Variants in SLX4 observed in about 807,000 individuals in gnomAD.
SLX4 encodes SLX4 structure-specific endonuclease subunit.
A neutral mutation model predicts 146.2 loss-of-function variants in SLX4; 112 were observed. That is an observed-to-expected ratio of 0.77 (90% CI 0.66 to 0.90). The LOEUF is 0.90. Ranked by LOEUF, SLX4 falls within the 40% of genes least tolerant of loss-of-function variation. The pLI is 0.00. For synonymous variants in SLX4, 1,061 were observed against 997.7 expected, an observed-to-expected ratio of 1.06 and a Z score of -1.20; for missense variants, 2,563 against 2,392.7, an observed-to-expected ratio of 1.07 and a Z score of -1.49.
chr16:3,594,647 G>A (rs770620011), intron 9 of SLX4, 48 bp from the exon 10 acceptor site: 13 of 1,612,652 alleles, frequency 8.1e-6, no homozygotes, highest in Non-Finnish European at 1.0e-5. Context: ...CCTCTGCTCT[G>A]CTAACTGGGC....
rs150946273 is a variant in SLX4, at chr16:3,588,791, A to G, written c.4636+211T>C. On this transcript the variant is annotated intron_variant, in intron 12 of 14. Coordinates refer to ENST00000294008, the MANE Select transcript of SLX4 (RefSeq NM_032444.4). ...CACTGGAGCCAGGCAAGTTTGGGAA[A>G]CACTGACTTACTGGCTGAGAAGTGT... 3.6e-3 allele frequency among the ~76,000 whole-genome samples: 548 copies of G among 152,218 alleles called. 4 individuals are homozygous for G. Among genetic ancestry groups the G allele is most frequent in the African/African-American group, 0.012 (516 of 41,522 alleles).
chr16:3,586,512 C>A (rs1451946428), intron 12 of SLX4, among the ~76,000 whole-genome samples: 1 of 151,970 alleles, frequency 6.6e-6, no homozygotes. Context: ...CAGAGCAAGA[C>A]CCCTGACTCA....
chr16:3,585,115 G>A (rs2040493088), intron 12 of SLX4, among the ~76,000 whole-genome samples: 1 of 152,084 alleles, frequency 6.6e-6, no homozygotes, highest in African/African-American at 2.4e-5. Flanking sequence ...CAGAGCTCCT[G>A]GGGCCACTGA....
rs1458014762 is a variant in SLX4, at chr16:3,597,082, A to G, written c.1683+297T>C. 6.6e-6 allele frequency among the ~76,000 whole-genome samples: 1 copy of G among 151,822 alleles called. No homozygotes were observed. Among genetic ancestry groups the G allele is most frequent in the African/African-American group, 2.4e-5 (1 of 41,300 alleles). On this transcript the variant is annotated intron_variant, in intron 7 of 14. Coordinates refer to ENST00000294008, the MANE Select transcript of SLX4 (RefSeq NM_032444.4). This position sits in a 1 kb window ranked among gnomAD's most constrained non-coding sequence, Gnocchi z 4.4. ...GTGATCCGCCCACCTCAGCCTCCCAAAGTGCAGGGATTACGGGCGTGAGCC... is the reference window on the plus strand; with the variant it reads ...GTGATCCGCCCACCTCAGCCTCCCAGAGTGCAGGGATTACGGGCGTGAGCC...
intron 11 of SLX4, among the ~76,000 whole-genome samples, chr16:3,591,741 T>C (rs1200356529): frequency 6.6e-6 from 1 of 151,916 alleles, no homozygotes; most frequent in Admixed American, 6.6e-5. Context: ...CTGGACAACA[T>C]AGAAAGTCTC....
At chr16:3,588,669 C>T (rs371662822) in intron 12 of SLX4, among the ~76,000 whole-genome samples, 2 of 152,266 alleles carry the variant, frequency 1.3e-5, no homozygotes, top group Middle Eastern at 3.4e-3. Context: ...TAAGGCATGC[C>T]GATACTTGCT....
At chr16:3,602,441 G>T in intron 3 of SLX4, 134 bp from the exon 4 acceptor site, 1 of 1,008,536 alleles carries the variant, frequency 9.9e-7, no homozygotes, top group Non-Finnish European at 1.5e-6. Context: ...GCTCCACTCT[G>T]CAGGCTGGTG....
chr16:3,592,257 T>C lies in SLX4; in HGVS notation c.2327+442A>G, dbSNP rs146700573. ...CTGAGCTGCTGCCTCTCTCCTAAGA[T>C]GCTGGCTGGACAAGCCAGGAGAGCT... is the stretch of plus-strand genomic sequence containing the variant. On this transcript the variant is annotated intron_variant, in intron 11 of 14. Transcript: ENST00000294008. Among the ~76,000 whole-genome samples the C allele has an allele frequency of 7.2e-3, 1,091 of 152,356 alleles. 15 individuals carry two copies. The highest frequency in any genetic ancestry group is 0.025 in the African/African-American group (1,031 of 41,586).
In SLX4 at chr16:3,590,939, C is replaced by T; in HGVS notation, c.2699G>A (p.Trp900Ter). The T allele has an allele frequency of 6.2e-7, 1 of 1,614,190 alleles. No homozygotes were observed. The highest frequency in any genetic ancestry group is 2.2e-5 in the East Asian group (1 of 44,866). The change falls in exon 12 of 15, where the codon TGG becomes TAG. Residue 900 changes from tryptophan to a stop codon, truncating the protein, a stop_gained. Coordinates refer to ENST00000294008, the MANE Select transcript of SLX4 (RefSeq NM_032444.4). LOFTEE classifies it high-confidence loss of function. This position sits in a 1 kb window ranked among gnomAD's most constrained non-coding sequence, Gnocchi z 4.8. ...LLAGVQVQKQ[W>*]DKVEEMEPLE... The stretch of plus-strand genomic sequence containing the variant: ...CGGCTCCATCTCCTCCACCTTGTCC[C>T]ACTGTTTCTGCACCTGGACACCTGC...
chr16:3,596,638 T>C (rs2040662811), intron 7 of SLX4, among the ~76,000 whole-genome samples: 1 of 152,216 alleles, frequency 6.6e-6, no homozygotes, highest in Non-Finnish European at 1.5e-5. Context: ...GGCATCTGTT[T>C]GCACAAAGGC....
chr16:3,603,785 G>A lies in SLX4; in HGVS notation c.761-1478C>T, dbSNP rs535126958. Among the ~76,000 whole-genome samples the A allele has an allele frequency of 2.1e-4, 32 of 152,310 alleles. No homozygotes were observed. The South Asian group carries it at 4.8e-3, about 23-fold the overall frequency. ...TACACAGCAGCTATGGGGCACTGTCGCCACCCTGTCTCACCTGCAGCCAAT... is the reference window on the plus strand; with the variant it reads ...TACACAGCAGCTATGGGGCACTGTCACCACCCTGTCTCACCTGCAGCCAAT... On this transcript the variant is annotated intron_variant, in intron 3 of 14. Coordinates refer to ENST00000294008, the MANE Select transcript of SLX4 (RefSeq NM_032444.4).
chr16:3,583,610 A>G, intron 13 of SLX4, 100 bp from the exon 14 acceptor site: 1 of 1,349,988 alleles, frequency 7.4e-7, no homozygotes, highest in Non-Finnish European at 1.1e-6. Context: ...GCATTCAGCG[A>G]ATGGCTTGTG....
chr16:3,609,125 C>T lies in SLX4; in HGVS notation c.-161G>A, dbSNP rs538073804. The stretch of plus-strand genomic sequence containing the variant: ...CCTCTGTTAAAGTCCACAACTGGGC[C>T]GGGCGCGGTGGCTCACACTTGTAAT... On this transcript the variant is annotated 5_prime_UTR_variant, in exon 2 of 15. Coordinates refer to ENST00000294008, the MANE Select transcript of SLX4 (RefSeq NM_032444.4). 48 of 853,520 alleles carry T rather than the reference C, an allele frequency of 5.6e-5. No individual in the cohort carries two copies. Among genetic ancestry groups the T allele is most frequent in the African/African-American group, 2.4e-4 (14 of 59,432 alleles). The allele number at this position is 853,520 out of a possible 1,614,324, so 52.9% of individuals were successfully genotyped here.
intron 3 of SLX4, among the ~76,000 whole-genome samples, chr16:3,602,619 C>T (rs1054865262): frequency 7.9e-5 from 12 of 152,234 alleles, no homozygotes; most frequent in African/African-American, 2.7e-4. Context: ...AGCCTCCAGG[C>T]TTGGCGATGC....
intron 2 of SLX4, among the ~76,000 whole-genome samples, chr16:3,607,173 A>G (rs1273953165): frequency 6.6e-6 from 1 of 152,190 alleles, no homozygotes; most frequent in East Asian, 1.9e-4. Context: ...CATGAACCCC[A>G]TGAAGTTGTG....
In SLX4 at chr16:3,597,575, T is replaced by C; in HGVS notation, c.1487A>G (p.Glu496Gly). 6.2e-7 allele frequency: 1 copy of C among 1,614,076 alleles called. No homozygotes were observed. Among genetic ancestry groups the C allele is most frequent in the Non-Finnish European group, 8.5e-7 (1 of 1,180,022 alleles). Residue 496 changes from glutamate (E) to glycine (G), a missense_variant, in exon 7 of 15, where the codon GAA (glutamate) becomes GGA (glycine). Coordinates refer to ENST00000294008, the MANE Select transcript of SLX4 (RefSeq NM_032444.4). The surrounding 1 kb of genome is among the most constrained non-coding windows in gnomAD (Gnocchi z 4.4). ...AGGAAGTGGTGGCGTGCTAGACAAT[T>C]CCACTTCCTCAGAGAGGAGCAGGGC... ...RVALLLSEEV[E>G]LSSTPPLPAS...
Position 3,582,682 on chromosome 16 carries a change from CA to C in SLX4, c.5164del (p.Cys1722ValfsTer35). 6.2e-7 allele frequency: 1 copy of C among 1,612,192 alleles called. No homozygotes were observed. Among genetic ancestry groups the C allele is most frequent in the Non-Finnish European group, 8.5e-7 (1 of 1,179,978 alleles). On this transcript the variant is annotated frameshift_variant, in exon 15 of 15. Coordinates refer to ENST00000294008, the MANE Select transcript of SLX4 (RefSeq NM_032444.4). LOFTEE classifies it low-confidence loss of function (END_TRUNC). Reference protein sequence around the residue: ...SSLSSQSSSSCEFGAAFESAG... With the variant: ...SSLSSQSSSSXEFGAAFESAG... Reference sequence around the variant, plus strand: ...AGACTCAAATGCCGCTCCAAACTCACAGGAGGAAGAACTGAAAAGAGCCAGA... The same window carrying C: ...AGACTCAAATGCCGCTCCAAACTCACGGAGGAAGAACTGAAAAGAGCCAGA...
intron 11 of SLX4, among the ~76,000 whole-genome samples, 185 bp downstream of exon 11, chr16:3,592,514 G>A (rs576031287): frequency 1.3e-5 from 2 of 152,350 alleles, no homozygotes; most frequent in East Asian, 3.9e-4. Context: ...GTTCTGGCCT[G>A]ACTTTCACCT....
Position 3,594,608 on chromosome 16 carries a change from G to A in SLX4, c.2014-9C>T, listed in dbSNP as rs1315193350. ...AGCAGCCCGAGGGAGAGCTGAAGCA[G>A]GAGGAGAGGAAGAGCCGTCACCTCC... On this transcript the variant is annotated splice_polypyrimidine_tract_variant and intron_variant, in intron 9 of 14. Transcript: ENST00000294008. 1 of 1,613,784 alleles carries A rather than the reference G, an allele frequency of 6.2e-7. No individual in the cohort carries two copies.
Sources: allele counts gnomAD v4.1 joint callset (sites outside exome capture counted in the v4.1 genomes callset), GRCh38; gene constraint gnomAD v4.1.1; non-coding constraint Gnocchi (gnomAD v3.1); transcripts MANE v1.5; gene names NCBI Gene and HGNC (gene_info 2026-07-23, HGNC 2026-07-21).